The following EZR variants were observed in gnomAD, a reference collection of about 807,000 sequenced individuals.
EZR encodes ezrin, also known as cytovillin 2.
A neutral mutation model predicts 74.8 loss-of-function variants in EZR; 40 were observed. That is an observed-to-expected ratio of 0.53 (90% confidence interval 0.42 to 0.70). EZR has a LOEUF of 0.70. Ranked by LOEUF, EZR falls within the 30% of genes least tolerant of loss-of-function variation. The pLI, the probability that EZR is intolerant of heterozygous loss-of-function variation, is 0.00. For synonymous variants in EZR, 341 were observed against 283.3 expected (o/e 1.20, Z -2.05); for missense variants, 678 against 755.8 (o/e 0.90, Z 1.21).
At chr6:158,794,241 C>T (rs1777009383) in intron 2 of EZR, among the ~76,000 whole-genome samples, 1 of 152,204 alleles carries the variant, frequency 6.6e-6, no homozygotes, top group Non-Finnish European at 1.5e-5. Context: ...GATCGCGCCA[C>T]TGCACTCCAG....
At position 158,783,610 on chromosome 6, in the gene EZR, A is replaced by T; in HGVS notation, c.608T>A (p.Ile203Asn). ...KIAQDLEMYG[I>N]NYFEIKNKKG... ...CTTGTTTTTTATCTCGAAATAGTTG[A>T]TTCCATACATTTCCAGGTCCTGAGC... The change falls in exon 7 of 14, where the codon ATC becomes AAC. Residue 203 changes from isoleucine (I) to asparagine (N), a missense_variant. By Grantham distance (149) the Ile-to-Asn change is moderately radical. Transcript: ENST00000367075. The T allele has an allele frequency of 6.2e-7, 1 of 1,613,832 alleles. No homozygotes were observed. The highest frequency in any genetic ancestry group is 8.5e-7 in the Non-Finnish European group (1 of 1,179,868).
At chr6:158,772,545 C>A (rs968337935) in intron 8 of EZR, among the ~76,000 whole-genome samples, 4 of 152,202 alleles carry the variant, frequency 2.6e-5, no homozygotes, top group East Asian at 3.9e-4. Context: ...ACCAGAGGAG[C>A]CTCCTGGAAA....
rs1253185055 is a variant in EZR at position 158,769,764 on chromosome 6, G to C, written c.1251+20C>G. The C allele has an allele frequency of 6.2e-7, 1 of 1,612,998 alleles. No homozygotes were observed. Among genetic ancestry groups the C allele is most frequent in the South Asian group, 1.1e-5 (1 of 91,084 alleles). On this transcript the variant is annotated intron_variant, in intron 11 of 13. Coordinates refer to ENST00000367075, the MANE Select transcript of EZR (RefSeq NM_001111077.2). Reference sequence around the variant, plus strand: ...CAGCCTCTCTATAATTCAGCATCTTGAAACTCAGGCCATTCCTACCAGCTG... The same window carrying C: ...CAGCCTCTCTATAATTCAGCATCTTCAAACTCAGGCCATTCCTACCAGCTG...
At chr6:158,798,680 G>A (rs138368102) in intron 2 of EZR, among the ~76,000 whole-genome samples, 1,958 of 147,270 alleles carry the variant, frequency 0.013, 26 homozygotes, top group South Asian at 0.046. Flanking sequence ...TGCCCAGGCT[G>A]GAGTGCAGTG....
chr6:158,806,068 G>A (rs554979071), intron 2 of EZR, among the ~76,000 whole-genome samples: 1 of 152,350 alleles, frequency 6.6e-6, no homozygotes, highest in African/African-American at 2.4e-5. Flanking sequence ...CAAAGTAATA[G>A]TGGAAAAAAC....
rs1214823969 is a variant in EZR at position 158,769,355 on chromosome 6, C to G, written c.1315G>C (p.Glu439Gln). ...TGCTGCCACTCTTCAACTTCATCCT[C>G]CTTGCGCCTCCGCGCCTCTTCCAGG... ...ALLEEARRRK[E>Q]DEVEEWQHRA... Residue 439 changes from glutamate to glutamine, a missense_variant, in exon 12 of 14, where the codon GAG becomes CAG. Around this residue, in one of 3 missense-constraint regions of EZR, gnomAD observed 342 missense variants for 341.2 expected, o/e 1.00. Transcript: ENST00000367075. The G allele has an allele frequency of 6.2e-7, 1 of 1,609,758 alleles. No homozygotes were observed. The highest frequency in any genetic ancestry group is 2.2e-5 in the East Asian group (1 of 44,894).
chr6:158,785,718 T>G, intron 4 of EZR, 135 bp from the exon 5 acceptor site: 2 of 1,149,378 alleles, frequency 1.7e-6, no homozygotes, highest in Non-Finnish European at 1.2e-6. Flanking sequence ...AAAGTCATCT[T>G]TTTAGCACTC....
chr6:158,812,338 T>G (rs1562508486), intron 2 of EZR, among the ~76,000 whole-genome samples: 2 of 152,078 alleles, frequency 1.3e-5, no homozygotes, highest in African/African-American at 4.8e-5. Flanking sequence ...GAAAGGAATA[T>G]ATAATAACTG....
At position 158,803,636 on chromosome 6, in the gene EZR, C is replaced by T. The variant is rs867584611; in HGVS notation, c.13-14265G>A. Reference sequence around the variant, plus strand: ...ATATATATATATATACATATACATACATATATATATATATATACATATATA... The same window carrying T: ...ATATATATATATATACATATACATATATATATATATATATATACATATATA... On this transcript the variant is annotated intron_variant, in intron 2 of 13. Transcript: ENST00000367075. Among the ~76,000 whole-genome samples, 29 of 36,356 alleles carry T rather than the reference C, an allele frequency of 8.0e-4. 1 individual carries two copies. Among genetic ancestry groups the T allele is most frequent in the African/African-American group, 2.0e-3 (23 of 11,498 alleles). 23.9% of individuals were successfully genotyped at this position (36,356 alleles called of 152,430 possible). A position where few individuals can be genotyped will look rare whatever the true frequency, so the allele number is the denominator to read the frequency against.
chr6:158,772,506 TC>T (rs1222903369), intron 8 of EZR, among the ~76,000 whole-genome samples: 17 of 152,328 alleles, frequency 1.1e-4, no homozygotes, highest in Non-Finnish European at 2.4e-4. Flanking sequence ...CAGCGGTCAC[TC>T]CAATTGCTAG....
intron 2 of EZR, among the ~76,000 whole-genome samples, chr6:158,809,711 A>T (rs994813289): frequency 3.3e-5 from 5 of 152,246 alleles, no homozygotes; most frequent in Admixed American, 3.3e-4. Flanking sequence ...ATACAAGGTT[A>T]GAATAAATGC....
chr6:158,807,429 A>T (rs113798738), intron 2 of EZR, among the ~76,000 whole-genome samples: 373 of 152,012 alleles, frequency 2.5e-3, no homozygotes, highest in African/African-American at 8.4e-3. Context: ...CAAAACAATC[A>T]TTTCCCTGAA....
At position 158,769,913 on chromosome 6, in the gene EZR, C is replaced by G. The variant is rs756135260; in HGVS notation, c.1122G>C (p.Gln374His). The G allele has an allele frequency of 6.2e-7, 1 of 1,612,604 alleles. No individual in the cohort carries two copies. The highest frequency in any genetic ancestry group is 2.2e-5 in the East Asian group (1 of 44,884). ...ELSEQIQRAL[Q>H]LEEERKRAQE... The stretch of plus-strand genomic sequence containing the variant: ...GTGCCCGCTTCCTCTCCTCCTCCAG[C>G]TGCAGGGCCCTCTGAATCTGCTCCG... The change falls in exon 11 of 14, where the codon CAG (glutamine) becomes CAC (histidine). Residue 374 changes from glutamine to histidine, a missense_variant. Physicochemically the swap from Gln to His is conservative, Grantham distance 24. Around this residue, in one of 3 missense-constraint regions of EZR, gnomAD observed 342 missense variants for 341.2 expected, o/e 1.00. Transcript: ENST00000367075.
At position 158,766,647 on chromosome 6, in the gene EZR, T is replaced by TTCAA. The variant is rs1243496421; in HGVS notation, c.*263_*266dup. 4.6e-5 allele frequency: 19 copies of TTCAA among 416,848 alleles called. No homozygotes were observed. Among genetic ancestry groups the TTCAA allele is most frequent in the Non-Finnish European group, 7.7e-5 (18 of 234,578 alleles). 25.8% of individuals were successfully genotyped at this position (416,848 alleles called of 1,614,324 possible). A position where few individuals can be genotyped will look rare whatever the true frequency, so the allele number is the denominator to read the frequency against. On this transcript the variant is annotated 3_prime_UTR_variant, in exon 14 of 14. Coordinates refer to ENST00000367075, the MANE Select transcript of EZR (RefSeq NM_001111077.2). ...CAGACTTTACAGGCATTTTCCGTAA[T>TTCAA]TCAATCAGTCCTGCTCCCAGCACAA... is the stretch of plus-strand genomic sequence containing the variant.
chr6:158,798,969 CA>C (rs766703252), intron 2 of EZR, among the ~76,000 whole-genome samples: 11 of 152,130 alleles, frequency 7.2e-5, no homozygotes, highest in Non-Finnish European at 1.3e-4. Context: ...ACTCTAATTA[CA>C]AAAATTTGTT....
intron 2 of EZR, among the ~76,000 whole-genome samples, chr6:158,809,077 A>G (rs543790357): frequency 6.6e-6 from 1 of 152,348 alleles, no homozygotes; most frequent in East Asian, 1.9e-4. Context: ...TGCTTGAGCA[A>G]CAGAGCAAGA....
At chr6:158,799,569 C>G (rs761436303) in intron 2 of EZR, among the ~76,000 whole-genome samples, 4 of 152,242 alleles carry the variant, frequency 2.6e-5, no homozygotes, top group Non-Finnish European at 5.9e-5. Flanking sequence ...TCTCTGGATC[C>G]TAATCCCCTT....
intron 2 of EZR, among the ~76,000 whole-genome samples, chr6:158,812,235 T>C (rs1583590575): frequency 6.6e-6 from 1 of 152,286 alleles, no homozygotes; most frequent in East Asian, 1.9e-4. Context: ...CTCCTGGCAT[T>C]TCAGCCGGAC....
At chr6:158,779,492 T>C (rs1046201038) in intron 7 of EZR, among the ~76,000 whole-genome samples, 8 of 152,206 alleles carry the variant, frequency 5.3e-5, no homozygotes, top group African/African-American at 1.9e-4. Context: ...GTGTTAATGT[T>C]TGAGGAAGCT....
Sources: allele counts gnomAD v4.1 joint callset (sites outside exome capture counted in the v4.1 genomes callset), GRCh38; gene constraint gnomAD v4.1.1; regional missense constraint gnomAD v4.1.1; transcripts MANE v1.5; gene names NCBI Gene and HGNC (gene_info 2026-07-23, HGNC 2026-07-21).